Variants in MDGA1 observed in about 807,000 individuals in gnomAD.
MDGA1 encodes the protein MAM domain-containing glycosylphosphatidylinositol anchor protein 1.
A neutral mutation model predicts 101.5 loss-of-function variants in MDGA1; 54 were observed. The observed-to-expected ratio is 0.53, with a 90% confidence interval of 0.43 to 0.67. The LOEUF (loss-of-function observed/expected upper bound fraction) is 0.67. Ranked by LOEUF, MDGA1 falls within the 30% of genes least tolerant of loss-of-function variation. The probability of loss-of-function intolerance (pLI) is 0.00; values close to 1 mark genes in which losing one functional copy is unlikely to be tolerated. For missense variants in MDGA1, 1,083 were observed against 1,323.8 expected (o/e 0.82, Z 2.82); for synonymous variants, 533 against 558.3 (o/e 0.95, Z 0.64).
At chr6:37,688,945 G>A (rs1463180525) in intron 1 of MDGA1, among the ~76,000 whole-genome samples, 2 of 152,076 alleles carry the variant, frequency 1.3e-5, no homozygotes, top group East Asian at 1.9e-4. Flanking sequence ...TAGCAGCATC[G>A]GCACCACCAG....
At position 37,655,345 on chromosome 6, in the gene MDGA1, G is replaced by A. The variant is rs560549673; in HGVS notation, c.579+355C>T. The A allele has an allele frequency of 1.4e-4, 48 of 336,634 alleles. No homozygotes were observed. Among genetic ancestry groups the A allele is most frequent in the Non-Finnish European group, 2.5e-4 (46 of 184,382 alleles). The allele number at this position is 336,634 out of a possible 1,614,324, so 20.9% of individuals were successfully genotyped here. ...CTGGGACTATCAGGGCCCATGGGAA[G>A]AGGAGTCATCTCCTCGCCCCCAGAT... On this transcript the variant is annotated intron_variant, in intron 4 of 16. Coordinates refer to ENST00000434837, the MANE Select transcript of MDGA1 (RefSeq NM_153487.4). This position sits in a 1 kb window ranked among gnomAD's most constrained non-coding sequence, Gnocchi z 5.1.
chr6:37,690,418 T>G (rs1269035057), intron 1 of MDGA1, among the ~76,000 whole-genome samples: 2 of 151,878 alleles, frequency 1.3e-5, no homozygotes, highest in African/African-American at 4.8e-5. Flanking sequence ...TCTCAAGGAG[T>G]TGTGATGAGA....
At chr6:37,648,170 G>T (rs997013911) in intron 9 of MDGA1, 1 of 152,326 alleles carries the variant, frequency 6.6e-6, no homozygotes, top group African/African-American at 2.4e-5. Flanking sequence ...TCGAAGAGCT[G>T]GGGCTGAGAG....
intron 1 of MDGA1, among the ~76,000 whole-genome samples, chr6:37,686,914 G>A (rs893994129): frequency 5.3e-5 from 8 of 152,148 alleles, no homozygotes; most frequent in African/African-American, 1.7e-4. Context: ...GGCCTGGGGG[G>A]TCCTTATGCT....
chr6:37,685,750 G>C (rs917905065), intron 1 of MDGA1, among the ~76,000 whole-genome samples: 1 of 152,166 alleles, frequency 6.6e-6, no homozygotes, highest in African/African-American at 2.4e-5. Context: ...TGGTGGGACT[G>C]TCACTTGAAT....
At position 37,638,477 on chromosome 6, in the gene MDGA1, G is replaced by A. The variant is rs1414914034; in HGVS notation, c.2667+60C>T. On this transcript the variant is annotated intron_variant, in intron 15 of 16. Coordinates refer to ENST00000434837, the MANE Select transcript of MDGA1 (RefSeq NM_153487.4). The surrounding 1 kb of genome is among the most constrained non-coding windows in gnomAD (Gnocchi z 4.8). ...GAAGAAGGACAAGGTTTTCCTAAGT[G>A]TTTCCTGGCCACAGCAACCACCGAA... 2.3e-5 allele frequency: 37 copies of A among 1,606,350 alleles called. No homozygotes were observed. Among genetic ancestry groups the A allele is most frequent in the Non-Finnish European group, 3.1e-5 (37 of 1,175,098 alleles).
chr6:37,672,318 T>C (rs9462347), intron 1 of MDGA1, among the ~76,000 whole-genome samples: 6,246 of 151,634 alleles, frequency 0.041, 426 homozygotes, highest in African/African-American at 0.14. Flanking sequence ...CTGGGCATGG[T>C]GCCACATGCC....
intron 1 of MDGA1, among the ~76,000 whole-genome samples, chr6:37,668,249 T>TTA (rs71542132): frequency 1.5e-5 from 2 of 129,128 alleles, no homozygotes; most frequent in African/African-American, 5.7e-5. Flanking sequence ...AGATTCTGTC[T>TTA]AAAAAAAAAA....
At chr6:37,671,529 T>C (rs1238918450) in intron 1 of MDGA1, among the ~76,000 whole-genome samples, 1 of 152,236 alleles carries the variant, frequency 6.6e-6, no homozygotes, top group African/African-American at 2.4e-5. Flanking sequence ...CGAGGCAGAA[T>C]GCTGCTGGCC....
At position 37,668,021 on chromosome 6, in the gene MDGA1, C is replaced by T. The variant is rs543940683; in HGVS notation, c.68-3915G>A. ...ATCCCAGCACTTTGGGAGGCTGAGG[C>T]GGGAGGATCACTTGAGCCCAGGACT... On this transcript the variant is annotated intron_variant, in intron 1 of 16. Transcript: ENST00000434837. Among the ~76,000 whole-genome samples, 22 of 152,190 alleles carry T rather than the reference C, an allele frequency of 1.4e-4. No individual in the cohort carries two copies. In the South Asian group the frequency reaches 3.5e-3, roughly 24 times the overall value.
At chr6:37,653,394 G>C (rs1761411574) in intron 6 of MDGA1, among the ~76,000 whole-genome samples, 1 of 152,166 alleles carries the variant, frequency 6.6e-6, no homozygotes, top group South Asian at 2.1e-4. Context: ...GAGTCAGAAA[G>C]AAACTGACTG....
intron 1 of MDGA1, among the ~76,000 whole-genome samples, chr6:37,664,906 C>T (rs867679267): frequency 1.2e-4 from 18 of 147,702 alleles, no homozygotes; most frequent in Non-Finnish European, 1.2e-4. Flanking sequence ...CACACACACA[C>T]GGCTGCACAT....
chr6:37,654,582 G>A, intron 5 of MDGA1, 39 bp from the exon 6 acceptor site: 3 of 1,613,586 alleles, frequency 1.9e-6, no homozygotes, highest in Non-Finnish European at 2.5e-6. Context: ...GGACTGTGAG[G>A]CAGGGCTGGA....
chr6:37,655,542 T>G lies in MDGA1; in HGVS notation c.579+158A>C. 3 of 626,320 alleles carry G rather than the reference T, an allele frequency of 4.8e-6. No individual in the cohort carries two copies. Among genetic ancestry groups the G allele is most frequent in the Admixed American group, 3.1e-5 (1 of 31,872 alleles). The allele number at this position is 626,320 out of a possible 1,614,324, so 38.8% of individuals were successfully genotyped here. A position where few individuals can be genotyped will look rare whatever the true frequency, so the allele number is the denominator to read the frequency against. ...CTCCCTGACCTTTCCATCTGATTTTTCTGCCCCAGGCTGTCTGAACTCCAA... is the reference window on the plus strand; with the variant it reads ...CTCCCTGACCTTTCCATCTGATTTTGCTGCCCCAGGCTGTCTGAACTCCAA... On this transcript the variant is annotated intron_variant, in intron 4 of 16. Coordinates refer to ENST00000434837, the MANE Select transcript of MDGA1 (RefSeq NM_153487.4). The surrounding 1 kb of genome is among the most constrained non-coding windows in gnomAD (Gnocchi z 5.1).
intron 1 of MDGA1, among the ~76,000 whole-genome samples, chr6:37,692,732 C>T (rs1762340017): frequency 6.6e-6 from 1 of 151,282 alleles, no homozygotes; most frequent in South Asian, 2.1e-4. Flanking sequence ...AGCTAATATA[C>T]CAGGCTCTAA....
intron 1 of MDGA1, among the ~76,000 whole-genome samples, chr6:37,686,296 A>G (rs1033929873): frequency 2.6e-5 from 4 of 151,636 alleles, no homozygotes; most frequent in Non-Finnish European, 4.4e-5. Context: ...GGTGACCTTG[A>G]GGCAAAATGT....
At chr6:37,648,039 A>G (rs559073781) in intron 9 of MDGA1, 1 of 152,458 alleles carries the variant, frequency 6.6e-6, no homozygotes, top group South Asian at 2.1e-4. Flanking sequence ...CACATGGAGG[A>G]AGACCATCAG....
At chr6:37,683,975 C>T (rs1010491788) in intron 1 of MDGA1, among the ~76,000 whole-genome samples, 1 of 152,182 alleles carries the variant, frequency 6.6e-6, no homozygotes, top group Non-Finnish European at 1.5e-5. Context: ...CACATATTGC[C>T]TAATGACCCC....
chr6:37,666,613 T>C (rs1761760506), intron 1 of MDGA1, among the ~76,000 whole-genome samples: 1 of 152,212 alleles, frequency 6.6e-6, no homozygotes, highest in Non-Finnish European at 1.5e-5. Flanking sequence ...AGGATTCTTG[T>C]CTTTCTGCCT....
Sources: gnomAD v4.1 joint callset for allele counts (sites outside exome capture counted in the v4.1 genomes callset) on GRCh38, gnomAD v4.1.1 for gene constraint, Gnocchi (gnomAD v3.1) non-coding constraint, MANE v1.5 for transcripts, NCBI Gene and HGNC (gene_info 2026-07-23, HGNC 2026-07-21) for gene names.